AOAH: variants seen among roughly 807,000 people sequenced by gnomAD.
AOAH encodes acyloxyacyl hydrolase.
AOAH carries 64 observed loss-of-function variants against 92.2 expected under a neutral mutation model. The observed-to-expected ratio is 0.69, with a 90% CI of 0.57 to 0.86. The LOEUF is 0.86. Among genes scored for constraint, AOAH ranks in the 40% least tolerant of loss-of-function variants. The pLI is 0.00. For missense variants in AOAH, 656 were observed against 694.6 expected (o/e 0.94, Z 0.62); for synonymous variants, 263 against 254.5 (o/e 1.03, Z -0.32).
At chr7:36,656,233 C>T (rs1178993429) in intron 4 of AOAH, among the ~76,000 whole-genome samples, 1 of 152,174 alleles carries the variant, frequency 6.6e-6, no homozygotes, top group Non-Finnish European at 1.5e-5. Flanking sequence ...GTTCACCCAA[C>T]ACGGGATGAA....
chr7:36,659,708 CCAAA>C (rs1795092538), intron 3 of AOAH, among the ~76,000 whole-genome samples: 1 of 152,022 alleles, frequency 6.6e-6, no homozygotes, highest in Non-Finnish European at 1.5e-5. Context: ...TAGGCACAAT[CCAAA>C]CAATCTATTC....
intron 15 of AOAH, among the ~76,000 whole-genome samples, chr7:36,547,259 T>C (rs1785871263): frequency 6.6e-6 from 1 of 151,974 alleles, no homozygotes; most frequent in Non-Finnish European, 1.5e-5. Context: ...CAACTTGGGG[T>C]TCTGGGGACA....
intron 19 of AOAH, among the ~76,000 whole-genome samples, chr7:36,524,220 C>T (rs890468135): frequency 2.0e-5 from 3 of 151,952 alleles, no homozygotes; most frequent in Non-Finnish European, 2.9e-5. Context: ...GAAAGACAAT[C>T]GCAACAGGGT....
intron 1 of AOAH, among the ~76,000 whole-genome samples, chr7:36,702,497 A>T (rs1455788333): frequency 6.6e-6 from 1 of 152,164 alleles, no homozygotes; most frequent in East Asian, 1.9e-4. Context: ...TATCTTGGAG[A>T]TATTCAGTTC....
chr7:36,604,325 TATTA>T (rs1283029859), intron 11 of AOAH, among the ~76,000 whole-genome samples: 2 of 152,218 alleles, frequency 1.3e-5, no homozygotes, highest in African/African-American at 4.8e-5. Context: ...CTATTATTAT[TATTA>T]ATTATCGTGA....
At chr7:36,633,082 G>A (rs1362626461) in intron 5 of AOAH, among the ~76,000 whole-genome samples, 1 of 152,194 alleles carries the variant, frequency 6.6e-6, no homozygotes, top group Non-Finnish European at 1.5e-5. Context: ...GCACTAGCAC[G>A]TGTCTCTAGG....
chr7:36,535,955 TCTCA>T (rs1220998268), intron 16 of AOAH, among the ~76,000 whole-genome samples: 1 of 152,092 alleles, frequency 6.6e-6, no homozygotes, highest in Non-Finnish European at 1.5e-5. Flanking sequence ...GACAATAAAC[TCTCA>T]CCAGGAATTT....
At chr7:36,679,500 C>G (rs1264925376) in intron 2 of AOAH, among the ~76,000 whole-genome samples, 2 of 132,674 alleles carry the variant, frequency 1.5e-5, no homozygotes, top group African/African-American at 5.7e-5. Context: ...GTGCTTAGGA[C>G]ATTTTATTTG....
chr7:36,517,172 T>TTCTCTCTTTCTTTCTTTCTTTCTC (rs756572469), intron 20 of AOAH, among the ~76,000 whole-genome samples: 1 of 117,112 alleles, frequency 8.5e-6, no homozygotes, highest in Non-Finnish European at 1.7e-5. Flanking sequence ...CTTTCTTTCT[T>TTCTCTCTTTCTTTCTTTCTTTCTC]TCTTTCTTTC....
intron 1 of AOAH, among the ~76,000 whole-genome samples, chr7:36,690,426 C>T (rs898606797): frequency 2.6e-5 from 4 of 152,194 alleles, no homozygotes; most frequent in African/African-American, 4.8e-5. Context: ...CCTCCCCTTC[C>T]AGTTGAATTG....
chr7:36,573,569 A>G (rs1442029815), intron 13 of AOAH, among the ~76,000 whole-genome samples: 1 of 152,000 alleles, frequency 6.6e-6, no homozygotes, highest in South Asian at 2.1e-4. Context: ...AATACAAAAA[A>G]TAGCTGAGCG....
chr7:36,527,267 C>A (rs1439950618), intron 19 of AOAH, among the ~76,000 whole-genome samples: 1 of 152,086 alleles, frequency 6.6e-6, no homozygotes, highest in Non-Finnish European at 1.5e-5. Context: ...CCCTTAACTG[C>A]AATTTGCTCT....
intron 4 of AOAH, among the ~76,000 whole-genome samples, chr7:36,654,130 C>T (rs1794740513): frequency 1.7e-5 from 2 of 118,828 alleles, no homozygotes; most frequent in South Asian, 7.2e-4. Flanking sequence ...TGTGTGCGTA[C>T]ACACACACAC....
At chr7:36,664,647 A>G (rs1183283229) in intron 3 of AOAH, among the ~76,000 whole-genome samples, 1 of 152,188 alleles carries the variant, frequency 6.6e-6, no homozygotes, top group Admixed American at 6.5e-5. Flanking sequence ...CAATATCTAT[A>G]AAATAATTTG....
intron 12 of AOAH, among the ~76,000 whole-genome samples, chr7:36,590,433 T>G (rs1172751746): frequency 6.6e-6 from 1 of 152,202 alleles, no homozygotes; most frequent in Non-Finnish European, 1.5e-5. Context: ...AAAACAGTTT[T>G]TGTTAACATC....
chr7:36,712,735 T>C (rs1798850558), intron 1 of AOAH, among the ~76,000 whole-genome samples: 1 of 152,050 alleles, frequency 6.6e-6, no homozygotes, highest in East Asian at 1.9e-4. Context: ...CAAACTAAGC[T>C]TCAGAAGTGA....
At chr7:36,689,991 C>T (rs1719173784) in intron 1 of AOAH, 1 of 304,176 alleles carries the variant, frequency 3.3e-6, no homozygotes, top group Non-Finnish European at 6.4e-6. Context: ...TTTCCTTTCC[C>T]TGAAAATTCA....
intron 1 of AOAH, among the ~76,000 whole-genome samples, chr7:36,715,053 T>C (rs542826588): frequency 2.0e-5 from 3 of 152,308 alleles, no homozygotes; most frequent in South Asian, 4.1e-4. Flanking sequence ...TGTTTGCAGA[T>C]GACATGATTG....
chr7:36,611,896 T>C (rs1791486095), intron 11 of AOAH, among the ~76,000 whole-genome samples: 1 of 152,208 alleles, frequency 6.6e-6, no homozygotes, highest in Non-Finnish European at 1.5e-5. Context: ...TTAAGCGGCT[T>C]GTTCAGGATT....
Sources: gnomAD v4.1 joint callset for allele counts (sites outside exome capture counted in the v4.1 genomes callset) on GRCh38, gnomAD v4.1.1 for gene constraint, MANE v1.5 for transcripts, NCBI Gene and HGNC (gene_info 2026-07-23, HGNC 2026-07-21) for gene names.